PRSS35: variants seen among roughly 807,000 people sequenced by gnomAD.
PRSS35 encodes the protein inactive serine protease 35.
A neutral mutation model predicts 8.1 loss-of-function variants in PRSS35; 7 were observed. The observed-to-expected ratio is 0.86, with a 90% CI of 0.49 to 1.62. PRSS35 has a LOEUF of 1.62. Ranked by LOEUF, PRSS35 falls within the 40% of genes most tolerant of loss-of-function variation. The pLI is 0.00. For missense variants in PRSS35, 566 were observed against 518.0 expected, an observed-to-expected ratio of 1.09 and a Z score of -0.90; for synonymous variants, 199 against 188.7, an observed-to-expected ratio of 1.05 and a Z score of -0.45.
Position 83,524,162 on chromosome 6 carries a change from A to C in PRSS35, c.721A>C (p.Arg241=). Residue 241 remains arginine, a synonymous_variant, in exon 2 of 2, where the codon AGG becomes CGG. Transcript: ENST00000369700. Reference sequence around the variant, plus strand: ...AAGAAAAAAATCTGGCCGGGGTCAGAGGATTGCCGAAGGGAGGCCTTCCTT... The same window carrying C: ...AAGAAAAAAATCTGGCCGGGGTCAGCGGATTGCCGAAGGGAGGCCTTCCTT... ...RRRKKSGRGQ[R]IAEGRPSFQW... The C allele has an allele frequency of 1.2e-6, 2 of 1,614,138 alleles. No individual in the cohort carries two copies. Among genetic ancestry groups the C allele is most frequent in the Non-Finnish European group, 1.7e-6 (2 of 1,180,026 alleles).
chr6:83,521,088 C>T (rs1010652086), intron 1 of PRSS35, among the ~76,000 whole-genome samples: 2 of 152,040 alleles, frequency 1.3e-5, no homozygotes, highest in Non-Finnish European at 2.9e-5. Context: ...TTTCCCACAC[C>T]AAAACAACTC....
At chr6:83,521,070 G>GA (rs1771812311) in intron 1 of PRSS35, among the ~76,000 whole-genome samples, 1 of 152,076 alleles carries the variant, frequency 6.6e-6, no homozygotes, top group Non-Finnish European at 1.5e-5. Flanking sequence ...AAGCAATTAA[G>GA]AAAAAAGTTT....
rs145300560 is a variant in PRSS35 at position 83,524,937 on chromosome 6, G to A, written c.*254G>A. On this transcript the variant is annotated 3_prime_UTR_variant, in exon 2 of 2. Transcript: ENST00000369700. The stretch of plus-strand genomic sequence containing the variant: ...TGAGTTTCATTTGTAGAAAAATTTT[G>A]TTGCCTTCTTAAAAATTAGACACAC... The A allele has an allele frequency of 2.2e-4, 93 of 416,488 alleles. 2 individuals are homozygous for A. In the East Asian group the frequency reaches 3.7e-3, roughly 17 times the overall value. 25.8% of individuals were successfully genotyped at this position (416,488 alleles called of 1,614,324 possible). A position where few individuals can be genotyped will look rare whatever the true frequency, so the allele number is the denominator to read the frequency against.
intron 1 of PRSS35, among the ~76,000 whole-genome samples, chr6:83,517,148 T>G (rs1771738329): frequency 6.6e-6 from 1 of 152,188 alleles, no homozygotes; most frequent in Non-Finnish European, 1.5e-5. Flanking sequence ...AAAAATATTC[T>G]CAAATATTAT....
chr6:83,524,177 A>T lies in PRSS35; in HGVS notation c.736A>T (p.Arg246Trp). Residue 246 changes from arginine to tryptophan, a missense_variant, in exon 2 of 2, where the codon AGG becomes TGG. By Grantham distance (101) the Arg-to-Trp change is moderately radical. Coordinates refer to ENST00000369700, the MANE Select transcript of PRSS35 (RefSeq NM_153362.3). ...SGRGQRIAEG[R>W]PSFQWTRVKN... is the part of the protein sequence containing the mutation. ...CCGGGGTCAGAGGATTGCCGAAGGG[A>T]GGCCTTCCTTTCAGTGGACCCGGGT... The T allele has an allele frequency of 6.2e-7, 1 of 1,614,142 alleles. No homozygotes were observed. The highest frequency in any genetic ancestry group is 8.5e-7 in the Non-Finnish European group (1 of 1,180,022).
chr6:83,515,055 T>G (rs985105100), intron 1 of PRSS35, among the ~76,000 whole-genome samples: 1 of 152,202 alleles, frequency 6.6e-6, no homozygotes. Flanking sequence ...AGGCTAATTT[T>G]GCCATCTAGT....
chr6:83,520,889 A>G (rs1327680631), intron 1 of PRSS35, among the ~76,000 whole-genome samples: 1 of 152,238 alleles, frequency 6.6e-6, no homozygotes, highest in Non-Finnish European at 1.5e-5. Context: ...TTGCCCAGGA[A>G]TGCCTTTCAC....
Position 83,523,541 on chromosome 6 carries a change from G to T in PRSS35, c.100G>T (p.Val34Leu), listed in dbSNP as rs778891581. 22 of 1,614,030 alleles carry T rather than the reference G, an allele frequency of 1.4e-5. No homozygotes were observed. In the East Asian group the frequency reaches 3.1e-4, roughly 23 times the overall value. The change falls in exon 2 of 2, where the codon GTA becomes TTA. Residue 34 changes from valine to leucine, a missense_variant. Physicochemically the swap from Val to Leu is conservative, Grantham distance 32 (BLOSUM62 1). Coordinates refer to ENST00000369700, the MANE Select transcript of PRSS35 (RefSeq NM_153362.3). ...GGATTTTATGTGGCACTTGAGAAAG[G>T]TACCCCGGATTGTCAGTGAAAGGAC... Reference protein sequence around the residue: ...EWDFMWHLRKVPRIVSERTFH... With the variant: ...EWDFMWHLRKLPRIVSERTFH...
chr6:83,524,195 A>C lies in PRSS35; in HGVS notation c.754A>C (p.Thr252Pro). Residue 252 changes from threonine to proline, a missense_variant, in exon 2 of 2, where the codon ACC (threonine) becomes CCC (proline). By Grantham distance (38) the Thr-to-Pro change is conservative. Transcript: ENST00000369700. ...CGAAGGGAGGCCTTCCTTTCAGTGG[A>C]CCCGGGTCAAGAATACCCACATTCC... is the stretch of plus-strand genomic sequence containing the variant. ...IAEGRPSFQWTRVKNTHIPKG... is the reference protein window; with the variant it reads ...IAEGRPSFQWPRVKNTHIPKG... The C allele has an allele frequency of 6.2e-7, 1 of 1,613,996 alleles. No homozygotes were observed. Among genetic ancestry groups the C allele is most frequent in the Non-Finnish European group, 8.5e-7 (1 of 1,179,988 alleles).
In PRSS35 at chr6:83,525,358, A is replaced by G. The variant is rs1039613660; in HGVS notation, c.*675A>G. On this transcript the variant is annotated 3_prime_UTR_variant, in exon 2 of 2. Transcript: ENST00000369700. ...AAAAATGGGAGAAATAGTTTGTTCTATGAAATAAACCTAGTTTAGAAATAG... is the reference window on the plus strand; with the variant it reads ...AAAAATGGGAGAAATAGTTTGTTCTGTGAAATAAACCTAGTTTAGAAATAG... The G allele has an allele frequency of 6.0e-6, 1 of 167,076 alleles. No homozygotes were observed. Among genetic ancestry groups the G allele is most frequent in the African/African-American group, 2.4e-5 (1 of 41,480 alleles). The allele number at this position is 167,076 out of a possible 1,614,324, so 10.3% of individuals were successfully genotyped here.
In PRSS35 at chr6:83,512,666, T is replaced by C. The variant is rs1771640859; in HGVS notation, c.-49T>C. The C allele has an allele frequency of 2.0e-5, 3 of 152,236 alleles. No individual in the cohort carries two copies. The highest frequency in any genetic ancestry group is 2.0e-4 in the Admixed American group (3 of 15,276). 9.4% of individuals were successfully genotyped at this position (152,236 alleles called of 1,614,324 possible). On this transcript the variant is annotated 5_prime_UTR_variant, in exon 1 of 2. Coordinates refer to ENST00000369700, the MANE Select transcript of PRSS35 (RefSeq NM_153362.3). ...CGGGAGCTCTGATCTCAGCTGACAG[T>C]GCCCTCGGGGACCAAACAAGCCTGG...
chr6:83,524,684 CAG>C lies in PRSS35; in HGVS notation c.*5_*6del. 1 of 1,598,450 alleles carries C rather than the reference CAG, an allele frequency of 6.3e-7. No individual in the cohort carries two copies. The highest frequency in any genetic ancestry group is 1.7e-5 in the Admixed American group (1 of 58,536). ...CGATGCCAATTGTGCTTACGGCTAA[CAG>C]AGACCTGAAACAGGGCGGTGTATCA... On this transcript the variant is annotated 3_prime_UTR_variant, in exon 2 of 2. Transcript: ENST00000369700.
intron 1 of PRSS35, among the ~76,000 whole-genome samples, chr6:83,520,785 G>A (rs9449650): frequency 0.19 from 28,939 of 152,110 alleles, 3,143 homozygotes; most frequent in African/African-American, 0.29. Context: ...ACTCTGATGA[G>A]GCTTTCTTAA....
chr6:83,514,715 T>C (rs138230063), intron 1 of PRSS35, among the ~76,000 whole-genome samples: 154 of 152,266 alleles, frequency 1.0e-3, no homozygotes, highest in Non-Finnish European at 1.9e-3. Flanking sequence ...TGTGGCACAT[T>C]TGGGGGACTA....
rs1194426633 is a variant in PRSS35 at position 83,524,915 on chromosome 6, G to A, written c.*232G>A. 7 of 447,646 alleles carry A rather than the reference G, an allele frequency of 1.6e-5. No individual in the cohort carries two copies. The highest frequency in any genetic ancestry group is 3.7e-5 in the East Asian group (1 of 27,146). 27.7% of individuals were successfully genotyped at this position (447,646 alleles called of 1,614,324 possible). Reference sequence around the variant, plus strand: ...TATACTCTTCTTTACATGGTGATGAGTTTCATTTGTAGAAAAATTTTGTTG... The same window carrying A: ...TATACTCTTCTTTACATGGTGATGAATTTCATTTGTAGAAAAATTTTGTTG... On this transcript the variant is annotated 3_prime_UTR_variant, in exon 2 of 2. Transcript: ENST00000369700.
At chr6:83,512,923 A>C (rs996282560) in intron 1 of PRSS35, among the ~76,000 whole-genome samples, 1 of 152,160 alleles carries the variant, frequency 6.6e-6, no homozygotes, top group African/African-American at 2.4e-5. Flanking sequence ...TTGGAATATA[A>C]ATGGAATTCT....
At chr6:83,514,268 G>A (rs921765749) in intron 1 of PRSS35, among the ~76,000 whole-genome samples, 23 of 152,262 alleles carry the variant, frequency 1.5e-4, no homozygotes, top group African/African-American at 5.5e-4. Flanking sequence ...ATATGAAAGA[G>A]TCCTCTTGGG....
chr6:83,524,452 A>G lies in PRSS35; in HGVS notation c.1011A>G (p.Gln337=), dbSNP rs1258960136. The change falls in exon 2 of 2, where the codon CAA becomes CAG. Residue 337 remains glutamine, a synonymous_variant. Coordinates refer to ENST00000369700, the MANE Select transcript of PRSS35 (RefSeq NM_153362.3). ...VSDESNDLLY[Q]YCDAESGSTG... is the part of the protein sequence containing the mutation. ...ACGAATCCAATGATCTCCTTTACCAATACTGCGATGCTGAGTCGGGCTCCA... is the reference window on the plus strand; with the variant it reads ...ACGAATCCAATGATCTCCTTTACCAGTACTGCGATGCTGAGTCGGGCTCCA... 6.8e-6 allele frequency: 11 copies of G among 1,614,078 alleles called. No homozygotes were observed. Among genetic ancestry groups the G allele is most frequent in the Non-Finnish European group, 9.3e-6 (11 of 1,180,014 alleles).
Position 83,524,526 on chromosome 6 carries a change from G to A in PRSS35, c.1085G>A (p.Trp362Ter). Residue 362 changes from tryptophan to a stop codon, truncating the protein, a stop_gained, in exon 2 of 2, where the codon TGG becomes TAG. Coordinates refer to ENST00000369700, the MANE Select transcript of PRSS35 (RefSeq NM_153362.3). LOFTEE classifies it high-confidence loss of function. Reference protein sequence around the residue: ...LRLKDPDKKNWKRKIIAVYSG... With the variant: ...LRLKDPDKKN ...CTGAAAGATCCAGACAAAAAGAATT[G>A]GAAGCGCAAAATCATTGCGGTCTAC... is the stretch of plus-strand genomic sequence containing the variant. 1 of 1,614,154 alleles carries A rather than the reference G, an allele frequency of 6.2e-7. No homozygotes were observed. The highest frequency in any genetic ancestry group is 8.5e-7 in the Non-Finnish European group (1 of 1,180,036).
Sources: gnomAD v4.1 joint callset for allele counts (sites outside exome capture counted in the v4.1 genomes callset) on GRCh38, gnomAD v4.1.1 for gene constraint, MANE v1.5 for transcripts, NCBI Gene and HGNC (gene_info 2026-07-23, HGNC 2026-07-21) for gene names.